CWC27: variants seen among roughly 807,000 people sequenced by gnomAD.
The protein encoded by CWC27 is CWC27 spliceosome associated cyclophilin, also known as spliceosome-associated protein CWC27 homolog.
CWC27 carries 47 observed loss-of-function variants against 63.6 expected under a neutral mutation model. That is an observed-to-expected ratio of 0.74 (90% CI 0.58 to 0.94). CWC27 has a LOEUF of 0.94. CWC27 is among the 40% of genes least tolerant of loss of function. CWC27 has a pLI of 0.00. For synonymous variants in CWC27, 175 were observed against 179.8 expected, an observed-to-expected ratio of 0.97 and a Z score of 0.22; for missense variants, 495 against 554.3, an observed-to-expected ratio of 0.89 and a Z score of 1.07.
In CWC27 at chr5:64,990,333, C is replaced by T. The variant is rs1580768186; in HGVS notation, c.1256+13095C>T. ...AGGCTGGAGTGCAGTGGCGGGATCT[C>T]GGCTCACTGCAAGCTCCGCCTCCCG... On this transcript the variant is annotated intron_variant, in intron 13 of 13. Coordinates refer to ENST00000381070, the MANE Select transcript of CWC27 (RefSeq NM_005869.4). 7.3e-5 allele frequency among the ~76,000 whole-genome samples: 3 copies of T among 41,130 alleles called. 1 individual carries two copies. Among genetic ancestry groups the T allele is most frequent in the Admixed American group, 5.5e-4 (2 of 3,644 alleles). The allele number at this position is 41,130 out of a possible 152,430, so 27.0% of individuals were successfully genotyped here.
At chr5:64,772,465 A>C (rs1415036661) in intron 1 of CWC27, among the ~76,000 whole-genome samples, 1 of 150,908 alleles carries the variant, frequency 6.6e-6, no homozygotes, top group Non-Finnish European at 1.5e-5. Context: ...CTACTAAAAA[A>C]AATGCAAAAA....
intron 8 of CWC27, 82 bp downstream of exon 8, chr5:64,800,409 C>A: frequency 9.8e-7 from 1 of 1,020,508 alleles, no homozygotes; most frequent in South Asian, 1.6e-5. Context: ...AGTAAACAGT[C>A]AGTCCTCATA....
intron 10 of CWC27, among the ~76,000 whole-genome samples, chr5:64,841,616 C>CT (rs979804152): frequency 6.6e-6 from 1 of 152,076 alleles, no homozygotes. Context: ...ATTTAAGAGT[C>CT]TTTTTTTATA....
intron 13 of CWC27, among the ~76,000 whole-genome samples, chr5:64,978,157 G>A (rs1749264782): frequency 6.6e-6 from 1 of 152,204 alleles, no homozygotes; most frequent in South Asian, 2.1e-4. Flanking sequence ...AATCTAGAGG[G>A]TGGAGGAAGG....
intron 11 of CWC27, among the ~76,000 whole-genome samples, chr5:64,962,457 C>G (rs1350588023): frequency 2.0e-5 from 3 of 152,122 alleles, no homozygotes; most frequent in Non-Finnish European, 2.9e-5. Flanking sequence ...GGGTTTTAAT[C>G]TCACATTTGG....
chr5:64,961,476 A>G (rs1256414906), intron 11 of CWC27, among the ~76,000 whole-genome samples: 1 of 152,084 alleles, frequency 6.6e-6, no homozygotes, highest in Non-Finnish European at 1.5e-5. Flanking sequence ...TTTTAACGCC[A>G]TAGCATAGGT....
At chr5:64,857,469 C>T (rs1386636674) in intron 10 of CWC27, among the ~76,000 whole-genome samples, 1 of 152,112 alleles carries the variant, frequency 6.6e-6, no homozygotes, top group African/African-American at 2.4e-5. Flanking sequence ...GAGGGCATAT[C>T]GAGTAGGCAC....
intron 11 of CWC27, among the ~76,000 whole-genome samples, chr5:64,918,602 A>G (rs1747936269): frequency 6.6e-6 from 1 of 152,206 alleles, no homozygotes; most frequent in South Asian, 2.1e-4. Context: ...AATTTAGCAG[A>G]TGATGCTTAA....
chr5:64,908,082 G>T (rs1360281415), intron 11 of CWC27, among the ~76,000 whole-genome samples: 1 of 152,156 alleles, frequency 6.6e-6, no homozygotes, highest in Admixed American at 6.5e-5. Flanking sequence ...CTGGTACATT[G>T]CGTCTTTGTT....
chr5:64,840,388 AAAAAAAATATAT>A (rs1300466428), intron 10 of CWC27, among the ~76,000 whole-genome samples: 28 of 45,288 alleles, frequency 6.2e-4, no homozygotes, highest in African/African-American at 2.4e-3. Context: ...AAAAAAAAAA[AAAAAAAATATAT>A]ATATATATAT....
chr5:64,901,040 AT>A (rs1007642305), intron 11 of CWC27, among the ~76,000 whole-genome samples: 6 of 151,816 alleles, frequency 4.0e-5, no homozygotes, highest in Non-Finnish European at 7.4e-5. Context: ...GTGTTAGCAT[AT>A]TTTATGTATG....
At chr5:64,942,473 A>AGAT (rs1748504153) in intron 11 of CWC27, among the ~76,000 whole-genome samples, 1 of 151,418 alleles carries the variant, frequency 6.6e-6, no homozygotes, top group Non-Finnish European at 1.5e-5. Context: ...TAAAAGAAAA[A>AGAT]CATTGCAATA....
At chr5:64,917,702 A>T (rs1263423864) in intron 11 of CWC27, among the ~76,000 whole-genome samples, 2 of 152,146 alleles carry the variant, frequency 1.3e-5, no homozygotes, top group African/African-American at 2.4e-5. Flanking sequence ...ATCTTCTTTG[A>T]ACTGGGACAT....
intron 11 of CWC27, among the ~76,000 whole-genome samples, chr5:64,943,144 T>C (rs1748520821): frequency 6.6e-6 from 1 of 152,020 alleles, no homozygotes; most frequent in Non-Finnish European, 1.5e-5. Context: ...ATGATTATAC[T>C]CCTAGGTGAA....
intron 9 of CWC27, among the ~76,000 whole-genome samples, chr5:64,801,620 C>G (rs1189554883): frequency 3.9e-5 from 6 of 151,938 alleles, no homozygotes; most frequent in Non-Finnish European, 5.9e-5. Context: ...CGTTAATACT[C>G]AAACTTCAGA....
At chr5:64,970,449 T>G (rs1749103836) in intron 11 of CWC27, among the ~76,000 whole-genome samples, 1 of 151,918 alleles carries the variant, frequency 6.6e-6, no homozygotes, top group South Asian at 2.1e-4. Context: ...TCTGACCTCG[T>G]GATCCGCCCA....
intron 11 of CWC27, among the ~76,000 whole-genome samples, chr5:64,969,341 A>G (rs751864735): frequency 5.1e-4 from 78 of 152,330 alleles, no homozygotes; most frequent in South Asian, 8.3e-4. Context: ...CCATAAAAAC[A>G]TTAAACAGTT....
chr5:64,818,325 A>C (rs574250737), intron 10 of CWC27, among the ~76,000 whole-genome samples: 2 of 152,290 alleles, frequency 1.3e-5, no homozygotes, highest in South Asian at 2.1e-4. Context: ...TATTGAAAAA[A>C]GAATGTTTTC....
intron 10 of CWC27, among the ~76,000 whole-genome samples, chr5:64,847,564 C>T (rs1183610336): frequency 6.6e-6 from 1 of 152,040 alleles, no homozygotes; most frequent in Non-Finnish European, 1.5e-5. Flanking sequence ...TAAAACATTC[C>T]GTTCAACAGC....
Sources: allele counts gnomAD v4.1 joint callset (sites outside exome capture counted in the v4.1 genomes callset), GRCh38; gene constraint gnomAD v4.1.1; transcripts MANE v1.5; gene names NCBI Gene and HGNC (gene_info 2026-07-23, HGNC 2026-07-21).